SLC36A1: variants seen among roughly 807,000 people sequenced by gnomAD.
The protein encoded by SLC36A1 is proton-coupled amino acid transporter 1.
Under a neutral mutation model 47.5 loss-of-function variants are expected in SLC36A1, and 30 were observed. That is an observed-to-expected ratio of 0.63 (90% confidence interval 0.47 to 0.86). SLC36A1 has a LOEUF of 0.86. Ranked by LOEUF, SLC36A1 falls within the 40% of genes least tolerant of loss-of-function variation. SLC36A1 has a pLI of 0.00. For missense variants in SLC36A1, 517 were observed against 606.0 expected (o/e 0.85, Z 1.54); for synonymous variants, 255 against 249.7 (o/e 1.02, Z -0.20).
chr5:151,539,660 A>G, the SLC36A1 span, among the ~76,000 whole-genome samples: 21 of 152,332 alleles, frequency 1.4e-4, no homozygotes, highest in African/African-American at 4.8e-4. Context: ...AACTTTATCT[A>G]TAAACTTTGA....
chr5:151,527,160 A>C, the SLC36A1 span: 1 of 1,441,770 alleles, frequency 6.9e-7, no homozygotes, highest in Non-Finnish European at 9.5e-7. Flanking sequence ...GACTAATGCC[A>C]CTGAGGGGCA....
At chr5:151,454,862 G>A (rs1361261020) in intron 1 of SLC36A1, among the ~76,000 whole-genome samples, 5 of 151,932 alleles carry the variant, frequency 3.3e-5, no homozygotes, top group Admixed American at 6.6e-5. Context: ...ACAGGCGCCC[G>A]CTACCACGCC....
chr5:151,350,011 G>A, the SLC36A1 span, among the ~76,000 whole-genome samples: 7 of 152,102 alleles, frequency 4.6e-5, no homozygotes, highest in South Asian at 4.1e-4. Context: ...GCCTGAGGTC[G>A]TATAATCTGG....
the SLC36A1 span, chr5:151,505,972 C>T: frequency 2.0e-5 from 31 of 1,572,304 alleles, no homozygotes; most frequent in East Asian, 1.8e-4. Context: ...TCTGGCATCA[C>T]GACTGGGGTT....
chr5:151,371,233 A>G, the SLC36A1 span, among the ~76,000 whole-genome samples: 1 of 152,200 alleles, frequency 6.6e-6, no homozygotes, highest in Non-Finnish European at 1.5e-5. Context: ...GAGACCTTGC[A>G]TGGACCACTG....
At chr5:151,376,009 G>C in the SLC36A1 span, among the ~76,000 whole-genome samples, 2 of 151,996 alleles carry the variant, frequency 1.3e-5, no homozygotes, top group Admixed American at 6.6e-5. Flanking sequence ...TGATTGCTCT[G>C]GCAAGGACTT....
intron 10 of SLC36A1, among the ~76,000 whole-genome samples, chr5:151,486,993 G>A (rs1475228181): frequency 1.3e-5 from 2 of 152,294 alleles, no homozygotes; most frequent in East Asian, 3.9e-4. Flanking sequence ...TATGATTCAG[G>A]AGCAGTTAAT....
intron 10 of SLC36A1, among the ~76,000 whole-genome samples, chr5:151,486,294 C>A (rs1581225833): frequency 6.6e-6 from 1 of 152,262 alleles, no homozygotes. Context: ...GATTTGCCCC[C>A]ACGACTCAAA....
chr5:151,360,518 AG>A, the SLC36A1 span, among the ~76,000 whole-genome samples: 6 of 152,136 alleles, frequency 3.9e-5, no homozygotes, highest in African/African-American at 1.4e-4. Flanking sequence ...GTGCTGTTTC[AG>A]GGGTGGCAGG....
At chr5:151,513,757 G>GA in the SLC36A1 span, among the ~76,000 whole-genome samples, 2 of 151,850 alleles carry the variant, frequency 1.3e-5, no homozygotes, top group Admixed American at 6.6e-5. Flanking sequence ...AAAATTGGAA[G>GA]AAAAAAATTA....
At chr5:151,497,790 G>C in the SLC36A1 span, among the ~76,000 whole-genome samples, 1 of 152,104 alleles carries the variant, frequency 6.6e-6, no homozygotes, top group South Asian at 2.1e-4. Flanking sequence ...GTTGCACCCT[G>C]CAAGTTGTGA....
chr5:151,479,059 A>G (rs1161342802), intron 9 of SLC36A1, among the ~76,000 whole-genome samples: 1 of 152,242 alleles, frequency 6.6e-6, no homozygotes, highest in Non-Finnish European at 1.5e-5. Context: ...TCGAGTTCCC[A>G]CTGGTTAACA....
intron 8 of SLC36A1, among the ~76,000 whole-genome samples, chr5:151,475,488 G>A (rs560899372): frequency 1.3e-5 from 2 of 152,258 alleles, no homozygotes; most frequent in South Asian, 2.1e-4. Flanking sequence ...ATTGCATCGG[G>A]GTAAAGTGCC....
At chr5:151,425,939 C>T in the SLC36A1 span, among the ~76,000 whole-genome samples, 1 of 146,600 alleles carries the variant, frequency 6.8e-6, no homozygotes, top group African/African-American at 2.5e-5. Flanking sequence ...ATGTATCCTT[C>T]CAGAGATAGT....
chr5:151,433,237 TATATATATATATA>T (rs1561704668), upstream of SLC36A1, among the ~76,000 whole-genome samples: 3 of 9,356 alleles, frequency 3.2e-4, no homozygotes, highest in East Asian at 9.2e-3. Context: ...TATATATATA[TATATATATATATA>T]TATATATATA....
Position 151,467,801 on chromosome 5 carries a change from C to A in SLC36A1, c.599C>A (p.Ser200Tyr), listed in dbSNP as rs772875552. 9 of 1,614,086 alleles carry A rather than the reference C, an allele frequency of 5.6e-6. No homozygotes were observed. Among genetic ancestry groups the A allele is most frequent in the Non-Finnish European group, 6.8e-6 (8 of 1,180,010 alleles). ...ATGGACTCGCGACTCTACATGCTCT[C>A]CTTCCTGCCCTTCCTGGTGCTGCTG... ...PTMDSRLYML[S>Y]FLPFLVLLVF... The change falls in exon 7 of 11, where the codon TCC (serine) becomes TAC (tyrosine). Residue 200 changes from serine (S) to tyrosine (Y), a missense_variant. Ser to Tyr is a moderately radical substitution (Grantham distance 144, BLOSUM62 -2). Transcript: ENST00000243389.
At chr5:151,356,420 G>A in the SLC36A1 span, among the ~76,000 whole-genome samples, 4 of 150,658 alleles carry the variant, frequency 2.7e-5, no homozygotes, top group East Asian at 2.0e-4. Flanking sequence ...GAGATGAGGC[G>A]TATATCTGTT....
chr5:151,406,574 A>C, the SLC36A1 span: 82 of 149,230 alleles, frequency 5.5e-4, no homozygotes, highest in African/African-American at 2.0e-3. Flanking sequence ...AAAGAGAAAC[A>C]CAGGAAAAAT....
chr5:151,345,546 A>G, the SLC36A1 span, among the ~76,000 whole-genome samples: 1 of 152,156 alleles, frequency 6.6e-6, no homozygotes, highest in East Asian at 1.9e-4. Context: ...AAAGAGAACA[A>G]TCGAGGGAGA....
Sources: allele counts gnomAD v4.1 joint callset (sites outside exome capture counted in the v4.1 genomes callset), GRCh38; gene constraint gnomAD v4.1.1; transcripts MANE v1.5; gene names NCBI Gene and HGNC (gene_info 2026-07-23, HGNC 2026-07-21).